The following EYA1 variants were observed in gnomAD, a reference collection of about 807,000 sequenced individuals.
The protein encoded by EYA1 is protein phosphatase EYA1.
A neutral mutation model predicts 82.0 loss-of-function variants in EYA1; 16 were observed. The observed-to-expected ratio is 0.20, with a 90% CI of 0.13 to 0.30. The LOEUF (loss-of-function observed/expected upper bound fraction) is 0.30. Among genes scored for constraint, EYA1 ranks in the 10% least tolerant of loss-of-function variants. The pLI, the probability that EYA1 is intolerant of heterozygous loss-of-function variation, is 1.00. For synonymous variants in EYA1, 261 were observed against 264.4 expected, an observed-to-expected ratio of 0.99 and a Z score of 0.12; for missense variants, 633 against 730.7, an observed-to-expected ratio of 0.87 and a Z score of 1.54.
chr8:71,223,807 T>G (rs1388524599), intron 12 of EYA1, among the ~76,000 whole-genome samples: 1 of 152,198 alleles, frequency 6.6e-6, no homozygotes, highest in East Asian at 1.9e-4. Context: ...TAACTCAGAT[T>G]TTGTACAGAG....
chr8:71,486,679 G>A (rs778446993), intron 2 of EYA1, among the ~76,000 whole-genome samples: 33 of 152,332 alleles, frequency 2.2e-4, no homozygotes, highest in Non-Finnish European at 3.4e-4. Context: ...CCTGACAGCA[G>A]GGGCAGATCA....
chr8:71,292,973 A>G (rs190928227), intron 9 of EYA1, among the ~76,000 whole-genome samples: 2 of 152,220 alleles, frequency 1.3e-5, no homozygotes, highest in African/African-American at 4.8e-5. Context: ...AAAATTAAAA[A>G]CAGGAAAACA....
chr8:71,468,497 G>C (rs1454291790), intron 2 of EYA1, among the ~76,000 whole-genome samples: 1 of 152,080 alleles, frequency 6.6e-6, no homozygotes, highest in East Asian at 1.9e-4. Context: ...GTTAGAACTT[G>C]TCTAACGATT....
chr8:71,251,729 T>G (rs1813770012), intron 11 of EYA1, among the ~76,000 whole-genome samples: 1 of 152,198 alleles, frequency 6.6e-6, no homozygotes, highest in South Asian at 2.1e-4. Flanking sequence ...GATCTCTTTC[T>G]CTTATTTCTA....
chr8:71,288,210 G>A (rs1452254971), intron 9 of EYA1, among the ~76,000 whole-genome samples: 1 of 152,186 alleles, frequency 6.6e-6, no homozygotes, highest in African/African-American at 2.4e-5. Flanking sequence ...TTCTCAATGA[G>A]TACTGTCATA....
intron 11 of EYA1, 46 bp from the exon 12 acceptor site, chr8:71,244,738 A>G (rs1243230287): frequency 4.4e-6 from 5 of 1,137,576 alleles, no homozygotes; most frequent in Non-Finnish European, 6.6e-6. Flanking sequence ...ACTTCAGGTT[A>G]CATGAAAGAG....
At chr8:71,314,034 T>A (rs1713391057) in intron 7 of EYA1, among the ~76,000 whole-genome samples, 1 of 152,290 alleles carries the variant, frequency 6.6e-6, no homozygotes, top group South Asian at 2.1e-4. Flanking sequence ...GAAATAAAGC[T>A]AGGCAAAAAT....
At chr8:71,316,740 T>C (rs1455390212) in intron 7 of EYA1, among the ~76,000 whole-genome samples, 2 of 152,166 alleles carry the variant, frequency 1.3e-5, no homozygotes, top group Admixed American at 1.3e-4. Context: ...TTAATTCAAC[T>C]ATGGATTGGC....
intron 2 of EYA1, among the ~76,000 whole-genome samples, chr8:71,485,395 G>A (rs1350748679): frequency 1.3e-5 from 2 of 152,052 alleles, no homozygotes; most frequent in Non-Finnish European, 2.9e-5. Flanking sequence ...CCTTCTCAAA[G>A]TTAGGGGGAC....
At chr8:71,240,245 G>C (rs1462453645) in intron 12 of EYA1, among the ~76,000 whole-genome samples, 2 of 150,368 alleles carry the variant, frequency 1.3e-5, no homozygotes, top group African/African-American at 4.9e-5. Flanking sequence ...ACTCTAGTGG[G>C]ACCAGAACTT....
chr8:71,223,375 C>G (rs1461931133), intron 12 of EYA1, among the ~76,000 whole-genome samples: 1 of 152,210 alleles, frequency 6.6e-6, no homozygotes, highest in Non-Finnish European at 1.5e-5. Context: ...TGACCATGGT[C>G]TACCCTTGCC....
chr8:71,382,451 G>A (rs1338374286), intron 2 of EYA1, among the ~76,000 whole-genome samples: 1 of 152,008 alleles, frequency 6.6e-6, no homozygotes, highest in African/African-American at 2.4e-5. Context: ...AAAAGGTAAA[G>A]TATGAACATC....
At chr8:71,273,689 C>T (rs10504504) in intron 9 of EYA1, among the ~76,000 whole-genome samples, 10,028 of 152,256 alleles carry the variant, frequency 0.066, 482 homozygotes, top group Middle Eastern at 0.11. Context: ...TAATATGTTT[C>T]GATACCAAGC....
intron 2 of EYA1, among the ~76,000 whole-genome samples, chr8:71,477,027 A>C (rs4565489): frequency 0.22 from 32,753 of 151,976 alleles, 6,896 homozygotes; most frequent in African/African-American, 0.51. Context: ...ATCCTCATGC[A>C]AAAGAATAAA....
At chr8:71,328,531 C>A (rs993283640) in intron 4 of EYA1, among the ~76,000 whole-genome samples, 1 of 152,156 alleles carries the variant, frequency 6.6e-6, no homozygotes, top group African/African-American at 2.4e-5. Context: ...TTCTCCAAGG[C>A]CCTCGCTTCT....
At chr8:71,362,226 T>C (rs1827470526), upstream of EYA1, 4 of 976,200 alleles carry the variant, frequency 4.1e-6, no homozygotes, top group East Asian at 1.2e-4. Flanking sequence ...CCTAACCTTA[T>C]TGGTTTAAAT....
chr8:71,502,769 C>T (rs1205313419), intron 2 of EYA1, among the ~76,000 whole-genome samples: 1 of 152,164 alleles, frequency 6.6e-6, no homozygotes, highest in African/African-American at 2.4e-5. Flanking sequence ...GACTACCACC[C>T]AGGCCTTGAA....
At chr8:71,324,759 T>C (rs113937294) in intron 4 of EYA1, among the ~76,000 whole-genome samples, 1,794 of 152,286 alleles carry the variant, frequency 0.012, 24 homozygotes, top group South Asian at 0.07. Flanking sequence ...AAATTAGAAC[T>C]TCACAGCCAT....
chr8:71,435,913 A>C (rs1489069746), intron 2 of EYA1, among the ~76,000 whole-genome samples: 1 of 152,182 alleles, frequency 6.6e-6, no homozygotes, highest in Non-Finnish European at 1.5e-5. Context: ...ATGAGGTTCC[A>C]TTAAACTTGA....
Sources: gnomAD v4.1 joint callset for allele counts (sites outside exome capture counted in the v4.1 genomes callset) on GRCh38, gnomAD v4.1.1 for gene constraint, MANE v1.5 for transcripts, NCBI Gene and HGNC (gene_info 2026-07-23, HGNC 2026-07-21) for gene names.